Variants in SPAG16 observed in about 807,000 individuals in gnomAD.
SPAG16 encodes sperm associated antigen 16.
A neutral mutation model predicts 80.4 loss-of-function variants in SPAG16; 86 were observed. The ratio of observed to expected loss-of-function variants is 1.07; its 90% CI spans 0.90 to 1.28. The LOEUF (loss-of-function observed/expected upper bound fraction) is 1.28. Ranked by LOEUF, SPAG16 falls within the 50% of genes most tolerant of loss-of-function variation. The pLI is 0.00. For missense variants in SPAG16, 870 were observed against 765.3 expected, an observed-to-expected ratio of 1.14 and a Z score of -1.61; for synonymous variants, 294 against 265.9, an observed-to-expected ratio of 1.11 and a Z score of -1.03.
chr2:214,176,887 A>G (rs996044169), intron 15 of SPAG16, among the ~76,000 whole-genome samples: 7 of 151,098 alleles, frequency 4.6e-5, no homozygotes, highest in African/African-American at 1.7e-4. Flanking sequence ...ATTTTTTAAA[A>G]TTACACTGGC....
intron 10 of SPAG16, among the ~76,000 whole-genome samples, chr2:213,751,700 C>A (rs1469435615): frequency 6.6e-6 from 1 of 152,150 alleles, no homozygotes; most frequent in South Asian, 2.1e-4. Flanking sequence ...TATATTCAGC[C>A]AGAGCTCTTT....
chr2:214,169,904 A>T (rs1018406507), intron 15 of SPAG16, among the ~76,000 whole-genome samples: 2 of 152,036 alleles, frequency 1.3e-5, no homozygotes, highest in Non-Finnish European at 2.9e-5. Flanking sequence ...TGAAAAATAT[A>T]TGAGTGAACT....
intron 11 of SPAG16, among the ~76,000 whole-genome samples, chr2:213,925,587 A>C (rs1032301545): frequency 6.6e-6 from 1 of 152,152 alleles, no homozygotes; most frequent in Admixed American, 6.5e-5. Flanking sequence ...CCTGACCTCA[A>C]GTAATCTGTC....
chr2:213,384,614 A>G (rs1350892157), intron 9 of SPAG16, among the ~76,000 whole-genome samples: 2 of 152,154 alleles, frequency 1.3e-5, no homozygotes. Flanking sequence ...GGAATGGAGG[A>G]ATCATTGTAT....
intron 11 of SPAG16, among the ~76,000 whole-genome samples, chr2:213,929,106 G>T (rs558837955): frequency 1.0e-4 from 15 of 143,040 alleles, no homozygotes; most frequent in Admixed American, 3.8e-4. Flanking sequence ...CTCTGTCCCC[G>T]GGGTTCAAGC....
intron 10 of SPAG16, among the ~76,000 whole-genome samples, chr2:213,538,316 G>A (rs143118272): frequency 4.2e-4 from 64 of 152,152 alleles, no homozygotes; most frequent in Non-Finnish European, 8.1e-4. Context: ...TAGGTAGGAT[G>A]TGATGTTACA....
chr2:213,468,454 TATATATCTCTATGTATTTATATATAG>T (rs1165624248), intron 9 of SPAG16, among the ~76,000 whole-genome samples: 61 of 126,424 alleles, frequency 4.8e-4, no homozygotes, highest in African/African-American at 2.3e-3. Flanking sequence ...TATATAGATA[TATATATCTCTATGTATTTATATATAG>T]ATATATATAT....
intron 9 of SPAG16, among the ~76,000 whole-genome samples, chr2:213,405,533 A>T (rs1297871592): frequency 6.6e-6 from 1 of 152,200 alleles, no homozygotes; most frequent in African/African-American, 2.4e-5. Context: ...ATTATCACAA[A>T]CTATAGTTGC....
At chr2:214,115,388 T>A (rs1309869843) in intron 14 of SPAG16, among the ~76,000 whole-genome samples, 1 of 152,240 alleles carries the variant, frequency 6.6e-6, no homozygotes, top group Admixed American at 6.5e-5. Flanking sequence ...TGCTCATTAC[T>A]TGGTGCCTTT....
intron 9 of SPAG16, among the ~76,000 whole-genome samples, chr2:213,488,333 A>G (rs1203317033): frequency 6.6e-6 from 1 of 152,184 alleles, no homozygotes; most frequent in Non-Finnish European, 1.5e-5. Context: ...TAATTGGTAC[A>G]GCTTTTCTAA....
rs73087050 is a variant in SPAG16 at position 214,325,268 on chromosome 2, G to A, written c.1721-84872G>A. Reference sequence around the variant, plus strand: ...CTTGTTAAATGGACGTGCTGGTTTGGTAGGTCTAGGAGTTGCCTGAGACTC... The same window carrying A: ...CTTGTTAAATGGACGTGCTGGTTTGATAGGTCTAGGAGTTGCCTGAGACTC... On this transcript the variant is annotated intron_variant, in intron 15 of 15. Transcript: ENST00000331683. Among the ~76,000 whole-genome samples the A allele has an allele frequency of 9.9e-3, 1,511 of 152,262 alleles. 20 individuals are homozygous for A. Among genetic ancestry groups the A allele is most frequent in the African/African-American group, 0.035 (1,439 of 41,562 alleles).
chr2:214,038,459 G>C (rs992091701), intron 13 of SPAG16, among the ~76,000 whole-genome samples: 1 of 151,712 alleles, frequency 6.6e-6, no homozygotes, highest in African/African-American at 2.4e-5. Flanking sequence ...CTTTATCTTT[G>C]TTTTAGTCTT....
At chr2:213,843,426 A>G (rs1466793613) in intron 10 of SPAG16, among the ~76,000 whole-genome samples, 1 of 152,216 alleles carries the variant, frequency 6.6e-6, no homozygotes, top group East Asian at 1.9e-4. Flanking sequence ...AAAGTACAAG[A>G]CACATCAGGA....
chr2:213,950,698 C>T (rs982073211), intron 12 of SPAG16, among the ~76,000 whole-genome samples: 75 of 52,162 alleles, frequency 1.4e-3, no homozygotes, highest in Middle Eastern at 0.014. Context: ...TTTCTTTTTT[C>T]TTTCTTTTTT....
At chr2:214,396,760 T>G (rs1483620584) in intron 15 of SPAG16, among the ~76,000 whole-genome samples, 1 of 152,114 alleles carries the variant, frequency 6.6e-6, no homozygotes, top group Non-Finnish European at 1.5e-5. Context: ...TGTTCTTATA[T>G]ATTATTTTAA....
chr2:214,244,601 T>C (rs571422744), intron 15 of SPAG16, among the ~76,000 whole-genome samples: 1 of 152,180 alleles, frequency 6.6e-6, no homozygotes, highest in South Asian at 2.1e-4. Context: ...GTAAGTGAGC[T>C]TCTATATTAT....
In SPAG16 at chr2:214,014,001, T is replaced by C. The variant is rs1216301084; in HGVS notation, c.1451T>C (p.Ile484Thr). 1.2e-6 allele frequency: 2 copies of C among 1,613,518 alleles called. No individual in the cohort carries two copies. Among genetic ancestry groups the C allele is most frequent in the African/African-American group, 1.3e-5 (1 of 74,924 alleles). ...GGACATACAGATTCTGTGAACAGCA[T>C]TGAGTTTTTTCCTTTCTCCAATACT... ...LYGHTDSVNSIEFFPFSNTLL... is the reference protein window; with the variant it reads ...LYGHTDSVNSTEFFPFSNTLL... Residue 484 changes from isoleucine to threonine, a missense_variant, in exon 13 of 16, where the codon ATT becomes ACT. Ile to Thr is a moderately conservative substitution (Grantham distance 89, BLOSUM62 -1). Transcript: ENST00000331683.
At chr2:213,927,396 G>T (rs1207105180) in intron 11 of SPAG16, among the ~76,000 whole-genome samples, 2 of 152,074 alleles carry the variant, frequency 1.3e-5, no homozygotes, top group African/African-American at 2.4e-5. Context: ...ACACTTTTTT[G>T]ATTTTAGTGT....
Position 213,924,465 on chromosome 2 carries a change from C to T in SPAG16, c.1215-5495C>T, listed in dbSNP as rs554378546. Among the ~76,000 whole-genome samples, 5 of 152,286 alleles carry T rather than the reference C, an allele frequency of 3.3e-5. No homozygotes were observed. In the South Asian group the frequency reaches 1.0e-3, roughly 32 times the overall value. ...CTCTGTTCTCTGTGTTCTCCTGCTG[C>T]CTTCATGGATCCCAGCATGGTTTCT... On this transcript the variant is annotated intron_variant, in intron 11 of 15. Transcript: ENST00000331683.
Sources: allele counts gnomAD v4.1 joint callset (sites outside exome capture counted in the v4.1 genomes callset), GRCh38; gene constraint gnomAD v4.1.1; transcripts MANE v1.5; gene names NCBI Gene and HGNC (gene_info 2026-07-23, HGNC 2026-07-21).